Variants in AGPAT4 observed in about 807,000 individuals in gnomAD.
AGPAT4 encodes 1-acylglycerol-3-phosphate O-acyltransferase 4, also known as 1-acyl-sn-glycerol-3-phosphate acyltransferase delta.
In AGPAT4, 15 loss-of-function variants were observed where a neutral mutation model predicts 48.0. The ratio of observed to expected loss-of-function variants is 0.31; its 90% CI spans 0.21 to 0.48. AGPAT4 has a LOEUF of 0.48. Ranked by LOEUF, AGPAT4 falls within the 20% of genes least tolerant of loss-of-function variation. The pLI is 0.99. For synonymous variants in AGPAT4, 178 were observed against 198.7 expected (o/e 0.90, Z 0.88); for missense variants, 314 against 482.5 (o/e 0.65, Z 3.27).
rs1022923602 is a variant in AGPAT4, at chr6:161,132,089, C to G, written c.*4451G>C. 4.0e-5 allele frequency: 6 copies of G among 148,158 alleles called. No homozygotes were observed. Among genetic ancestry groups the G allele is most frequent in the African/African-American group, 1.5e-4 (6 of 40,210 alleles). 9.2% of individuals were successfully genotyped at this position (148,158 alleles called of 1,614,324 possible). On this transcript the variant is annotated 3_prime_UTR_variant, in exon 9 of 9. Coordinates refer to ENST00000320285, the MANE Select transcript of AGPAT4 (RefSeq NM_020133.3). ...ATGACTGGAACCTGGGCCTTCATTA[C>G]GGGCTCCGGTTTTGGAGTGCAGAGG...
chr6:161,177,430 G>A lies in AGPAT4; in HGVS notation c.179-11013C>T, dbSNP rs868274259. Among the ~76,000 whole-genome samples the A allele has an allele frequency of 1.6e-4, 25 of 152,142 alleles. No homozygotes were observed. Among genetic ancestry groups the A allele is most frequent in the African/African-American group, 3.1e-4 (13 of 41,502 alleles). ...CTGATATCGTTTCTTCCACTTGATC[G>A]AATCGGCCACTGAAACTTGTGCATG... On this transcript the variant is annotated intron_variant, in intron 2 of 8. Coordinates refer to ENST00000320285, the MANE Select transcript of AGPAT4 (RefSeq NM_020133.3). This position sits in a 1 kb window ranked among gnomAD's most constrained non-coding sequence, Gnocchi z 5.0.
rs1405077292 is a variant in AGPAT4 at position 161,244,024 on chromosome 6, C to G, written c.-89-11722G>C. 6.6e-6 allele frequency among the ~76,000 whole-genome samples: 1 copy of G among 152,212 alleles called. No homozygotes were observed. The highest frequency in any genetic ancestry group is 1.5e-5 in the Non-Finnish European group (1 of 68,044). ...AACTGTCAATTCCCTACATAAATCT[C>G]ATTGAAGAAATGAGTTGAATACTCG... On this transcript the variant is annotated intron_variant, in intron 1 of 8. Transcript: ENST00000320285. The surrounding 1 kb of genome is among the most constrained non-coding windows in gnomAD (Gnocchi z 4.7).
rs1026988941 is a variant in AGPAT4 at position 161,229,310 on chromosome 6, G to C, written c.178+2726C>G. 6.6e-6 allele frequency among the ~76,000 whole-genome samples: 1 copy of C among 152,086 alleles called. No individual in the cohort carries two copies. The highest frequency in any genetic ancestry group is 1.5e-5 in the Non-Finnish European group (1 of 68,036). ...TAAGCTCAGAGTGACTCATACACCA[G>C]AAGACACAATTAAAGCCATGAACAG... On this transcript the variant is annotated intron_variant, in intron 2 of 8. Transcript: ENST00000320285. The surrounding 1 kb of genome is among the most constrained non-coding windows in gnomAD (Gnocchi z 6.0).
Position 161,202,382 on chromosome 6 carries a change from T to C in AGPAT4, c.178+29654A>G, listed in dbSNP as rs1357054944. 6.6e-6 allele frequency among the ~76,000 whole-genome samples: 1 copy of C among 151,968 alleles called. No homozygotes were observed. The highest frequency in any genetic ancestry group is 1.5e-5 in the Non-Finnish European group (1 of 67,998). On this transcript the variant is annotated intron_variant, in intron 2 of 8. Transcript: ENST00000320285. This position sits in a 1 kb window ranked among gnomAD's most constrained non-coding sequence, Gnocchi z 5.4. ...TCTTCATGCTTGAATGTCATGGTAG[T>C]TGGCTTCCTCTGGATGACAGAGGAC...
In AGPAT4 at chr6:161,266,125, A is replaced by G. The variant is rs1783257619; in HGVS notation, c.-90+7813T>C. ...GGCTGTCACAAGTAGGAGTGGGGTG[A>G]CTACTCCTGGCATGTAACAGTTAGA... On this transcript the variant is annotated intron_variant, in intron 1 of 8. Coordinates refer to ENST00000320285, the MANE Select transcript of AGPAT4 (RefSeq NM_020133.3). The surrounding 1 kb of genome is among the most constrained non-coding windows in gnomAD (Gnocchi z 6.2). Among the ~76,000 whole-genome samples, 1 of 152,126 alleles carries G rather than the reference A, an allele frequency of 6.6e-6. No individual in the cohort carries two copies.
intron 3 of AGPAT4, among the ~76,000 whole-genome samples, chr6:161,157,338 G>A (rs1275707816): frequency 6.6e-6 from 1 of 152,236 alleles, no homozygotes; most frequent in East Asian, 1.9e-4. Flanking sequence ...TTGAGACAGA[G>A]TTTTGCTCTT....
rs1369795930 is a variant in AGPAT4 at position 161,169,572 on chromosome 6, G to C, written c.179-3155C>G. Among the ~76,000 whole-genome samples, 2 of 152,114 alleles carry C rather than the reference G, an allele frequency of 1.3e-5. No homozygotes were observed. The highest frequency in any genetic ancestry group is 1.5e-5 in the Non-Finnish European group (1 of 68,020). ...CGCAGCCTCAACCTCCTGGGTTCAAGCAATCCTTCCACCTTGGCCTCCCAA... is the reference window on the plus strand; with the variant it reads ...CGCAGCCTCAACCTCCTGGGTTCAACCAATCCTTCCACCTTGGCCTCCCAA... On this transcript the variant is annotated intron_variant, in intron 2 of 8. Transcript: ENST00000320285. This position sits in a 1 kb window ranked among gnomAD's most constrained non-coding sequence, Gnocchi z 5.0.
chr6:161,176,339 G>T (rs1269782398), intron 2 of AGPAT4, among the ~76,000 whole-genome samples: 1 of 152,156 alleles, frequency 6.6e-6, no homozygotes, highest in Non-Finnish European at 1.5e-5. Flanking sequence ...GTGCATATAT[G>T]TTTAGGGTAG....
rs916110571 is a variant in AGPAT4, at chr6:161,243,858, G to A, written c.-89-11556C>T. On this transcript the variant is annotated intron_variant, in intron 1 of 8. Coordinates refer to ENST00000320285, the MANE Select transcript of AGPAT4 (RefSeq NM_020133.3). The surrounding 1 kb of genome is among the most constrained non-coding windows in gnomAD (Gnocchi z 4.8). ...TAGCCTGACAACCACTCATCTCCAGGGTGACCCTGAGCTGAAGTGACTCCT... is the reference window on the plus strand; with the variant it reads ...TAGCCTGACAACCACTCATCTCCAGAGTGACCCTGAGCTGAAGTGACTCCT... Among the ~76,000 whole-genome samples, 4 of 152,098 alleles carry A rather than the reference G, an allele frequency of 2.6e-5. No individual in the cohort carries two copies. Among genetic ancestry groups the A allele is most frequent in the African/African-American group, 9.7e-5 (4 of 41,404 alleles).
At chr6:161,203,824 T>C (rs1487403930) in intron 2 of AGPAT4, among the ~76,000 whole-genome samples, 1 of 152,334 alleles carries the variant, frequency 6.6e-6, no homozygotes, top group Non-Finnish European at 1.5e-5. Context: ...TCCAGGTCAG[T>C]ATTATATGCC....
intron 3 of AGPAT4, chr6:161,160,104 A>ATTTTTTTTTTTTTTTT (rs5881394): frequency 4.1e-5 from 3 of 74,008 alleles, no homozygotes; most frequent in Non-Finnish European, 7.2e-5. Context: ...CACCCAGCTA[A>ATTTTTTTTTTTTTTTT]TTTTTTTTTT....
chr6:161,169,457 C>CT lies in AGPAT4; in HGVS notation c.179-3041dup, dbSNP rs1284272007. 1.3e-5 allele frequency among the ~76,000 whole-genome samples: 2 copies of CT among 152,028 alleles called. No individual in the cohort carries two copies. The highest frequency in any genetic ancestry group is 4.8e-5 in the African/African-American group (2 of 41,394). ...CACTGGATAAAAGAGCTTGATTTCC[C>CT]TTTTTTGTTTTTTCCTTTCTTTTTT... On this transcript the variant is annotated intron_variant, in intron 2 of 8. Coordinates refer to ENST00000320285, the MANE Select transcript of AGPAT4 (RefSeq NM_020133.3). This position sits in a 1 kb window ranked among gnomAD's most constrained non-coding sequence, Gnocchi z 5.0.
rs1780338268 is a variant in AGPAT4 at position 161,173,462 on chromosome 6, A to G, written c.179-7045T>C. Among the ~76,000 whole-genome samples the G allele has an allele frequency of 3.9e-5, 6 of 152,142 alleles. No individual in the cohort carries two copies. The South Asian group carries it at 1.2e-3, about 32-fold the overall frequency. ...GTCTTCTTTTGAGAAGTGTCTGTTC[A>G]TATCCTTCGCCCACTTTTTGATGGG... is the stretch of plus-strand genomic sequence containing the variant. On this transcript the variant is annotated intron_variant, in intron 2 of 8. Transcript: ENST00000320285.
At chr6:161,174,079 T>C (rs975416851) in intron 2 of AGPAT4, among the ~76,000 whole-genome samples, 2 of 152,208 alleles carry the variant, frequency 1.3e-5, no homozygotes, top group Admixed American at 6.5e-5. Context: ...TCAGGTAGTG[T>C]GATGCCTCCA....
chr6:161,209,997 T>C (rs900455901), intron 2 of AGPAT4, among the ~76,000 whole-genome samples: 1 of 152,206 alleles, frequency 6.6e-6, no homozygotes, highest in African/African-American at 2.4e-5. Context: ...AGGAAGAGTA[T>C]GGTTTAGACA....
chr6:161,145,416 C>T (rs537217448), intron 7 of AGPAT4, among the ~76,000 whole-genome samples: 1 of 151,632 alleles, frequency 6.6e-6, no homozygotes, highest in Non-Finnish European at 1.5e-5. Context: ...AAGAGGCCCA[C>T]ATGCCAGCTC....
At chr6:161,193,595 C>T (rs1227022952) in intron 2 of AGPAT4, among the ~76,000 whole-genome samples, 1 of 152,190 alleles carries the variant, frequency 6.6e-6, no homozygotes, top group African/African-American at 2.4e-5. Context: ...GGGTGATCAA[C>T]CTTCCTTTTG....
chr6:161,137,786 G>A lies in AGPAT4; in HGVS notation c.1043-1152C>T, dbSNP rs1042905066. Among the ~76,000 whole-genome samples the A allele has an allele frequency of 1.3e-5, 2 of 151,566 alleles. No homozygotes were observed. Among genetic ancestry groups the A allele is most frequent in the Non-Finnish European group, 2.9e-5 (2 of 67,896 alleles). ...CCTCAGATGCTCCTGAAGACTCCCT[G>A]TGTCCACACTGCACCCCTCAGATGC... On this transcript the variant is annotated intron_variant, in intron 8 of 8. Coordinates refer to ENST00000320285, the MANE Select transcript of AGPAT4 (RefSeq NM_020133.3). This position sits in a 1 kb window ranked among gnomAD's most constrained non-coding sequence, Gnocchi z 6.1.
In AGPAT4 at chr6:161,221,325, C is replaced by T. The variant is rs1015030889; in HGVS notation, c.178+10711G>A. On this transcript the variant is annotated intron_variant, in intron 2 of 8. Coordinates refer to ENST00000320285, the MANE Select transcript of AGPAT4 (RefSeq NM_020133.3). This position sits in a 1 kb window ranked among gnomAD's most constrained non-coding sequence, Gnocchi z 4.5. Reference sequence around the variant, plus strand: ...TCCACGTCCAATGTCACCAGCCAGCCGCACTTTACTCCTTTGAGTTCCTGG... The same window carrying T: ...TCCACGTCCAATGTCACCAGCCAGCTGCACTTTACTCCTTTGAGTTCCTGG... Among the ~76,000 whole-genome samples the T allele has an allele frequency of 2.0e-5, 3 of 152,040 alleles. No homozygotes were observed. The highest frequency in any genetic ancestry group is 4.4e-5 in the Non-Finnish European group (3 of 68,020).
Sources: allele counts gnomAD v4.1 joint callset (sites outside exome capture counted in the v4.1 genomes callset), GRCh38; gene constraint gnomAD v4.1.1; non-coding constraint Gnocchi (gnomAD v3.1); transcripts MANE v1.5; gene names NCBI Gene and HGNC (gene_info 2026-07-23, HGNC 2026-07-21).